TTC1: variants seen among roughly 807,000 people sequenced by gnomAD.
The protein encoded by TTC1 is tetratricopeptide repeat protein 1.
A neutral mutation model predicts 37.6 loss-of-function variants in TTC1; 31 were observed. The ratio of observed to expected loss-of-function variants is 0.82; its 90% CI spans 0.62 to 1.11. The LOEUF (loss-of-function observed/expected upper bound fraction) is 1.11, where lower values mean the gene tolerates loss of function less well. Ranked by LOEUF, TTC1 falls within the 50% of genes most tolerant of loss-of-function variation. The pLI is 0.00. For missense variants in TTC1, 351 were observed against 339.0 expected, an observed-to-expected ratio of 1.04 and a Z score of -0.28; for synonymous variants, 127 against 122.4, an observed-to-expected ratio of 1.04 and a Z score of -0.25.
At chr5:160,010,982 C>T in intron 2 of TTC1, 124 bp downstream of exon 2, 1 of 905,876 alleles carries the variant, frequency 1.1e-6, no homozygotes, top group Non-Finnish European at 1.6e-6. Context: ...CTTCTTATGG[C>T]TTTAGTAGTG....
chr5:160,026,671 A>G (rs541777483), intron 2 of TTC1, among the ~76,000 whole-genome samples: 1 of 152,168 alleles, frequency 6.6e-6, no homozygotes, highest in Admixed American at 6.5e-5. Context: ...TTTTATTTTC[A>G]ACCTGTATAT....
intron 7 of TTC1, 43 bp from the exon 8 acceptor site, chr5:160,064,889 G>A: frequency 6.3e-7 from 1 of 1,589,576 alleles, no homozygotes. Flanking sequence ...TCCTGCTTCT[G>A]TTCATTCCTG....
chr5:160,050,627 C>CTTTTT (rs546426067), intron 6 of TTC1, among the ~76,000 whole-genome samples: 1 of 109,340 alleles, frequency 9.1e-6, no homozygotes, highest in African/African-American at 3.6e-5. Context: ...CCAAACAAAA[C>CTTTTT]TTTTTTTTTT....
chr5:160,049,766 C>T (rs1757353281), intron 6 of TTC1, 104 bp downstream of exon 6: 6 of 1,074,972 alleles, frequency 5.6e-6, no homozygotes, highest in Non-Finnish European at 6.3e-6. Context: ...CATTTCTGTG[C>T]TTTTGAGGAG....
intron 5 of TTC1, among the ~76,000 whole-genome samples, chr5:160,048,422 T>G (rs1346364130): frequency 1.3e-5 from 2 of 152,176 alleles, no homozygotes. Flanking sequence ...CCCAAAGTGC[T>G]GGGATTATGG....
Position 160,035,214 on chromosome 5 carries a change from C to T in TTC1, c.391+14C>T, listed in dbSNP as rs1393170208. 6.3e-7 allele frequency: 1 copy of T among 1,594,798 alleles called. No individual in the cohort carries two copies. The highest frequency in any genetic ancestry group is 8.5e-7 in the Non-Finnish European group (1 of 1,171,398). On this transcript the variant is annotated intron_variant, in intron 3 of 7. Transcript: ENST00000231238. ...TTAAGAAAGGAGGTAAGACGACTTT[C>T]AGCACTGATAATCTGGTCATCTTGA...
chr5:160,029,704 A>G (rs565009615), intron 2 of TTC1, among the ~76,000 whole-genome samples: 124 of 148,444 alleles, frequency 8.4e-4, no homozygotes, highest in Non-Finnish European at 1.1e-3. Context: ...CAGAATACAA[A>G]GTACAAAGTA....
chr5:160,014,934 C>G (rs1194087157), intron 2 of TTC1, among the ~76,000 whole-genome samples: 1 of 152,170 alleles, frequency 6.6e-6, no homozygotes, highest in Non-Finnish European at 1.5e-5. Context: ...GTCTTTGTCC[C>G]TGGTTCCTGT....
chr5:160,036,553 G>A, intron 3 of TTC1, 138 bp from the exon 4 acceptor site: 1 of 621,120 alleles, frequency 1.6e-6, no homozygotes, highest in Non-Finnish European at 2.8e-6. Context: ...TACTGCGCCA[G>A]ACTTAATAGA....
intron 5 of TTC1, among the ~76,000 whole-genome samples, chr5:160,045,508 A>T (rs1561634820): frequency 2.1e-4 from 16 of 75,874 alleles, no homozygotes; most frequent in South Asian, 1.5e-3. Flanking sequence ...ACACACACAC[A>T]CACACATACA....
chr5:160,032,355 T>TC (rs1227350663), intron 2 of TTC1, among the ~76,000 whole-genome samples: 1 of 152,220 alleles, frequency 6.6e-6, no homozygotes, highest in East Asian at 1.9e-4. Flanking sequence ...TTAACCCCTC[T>TC]CTAAAGAATT....
intron 4 of TTC1, 126 bp from the exon 5 acceptor site, chr5:160,043,007 G>C (rs902078901): frequency 2.7e-5 from 26 of 975,902 alleles, no homozygotes; most frequent in Non-Finnish European, 3.7e-5. Context: ...AGGTTTTTAC[G>C]TAATTTCTTT....
intron 3 of TTC1, 42 bp downstream of exon 3, chr5:160,035,242 C>A: frequency 6.6e-7 from 1 of 1,517,380 alleles, no homozygotes; most frequent in South Asian, 1.3e-5. Context: ...CATCTTGACT[C>A]CTCATCCTGT....
chr5:160,027,016 G>A (rs1424234693), intron 2 of TTC1, among the ~76,000 whole-genome samples: 2 of 150,594 alleles, frequency 1.3e-5, no homozygotes, highest in Non-Finnish European at 3.0e-5. Context: ...AGTTTTTCGG[G>A]ATTCTTTTTT....
chr5:160,052,970 CT>C lies in TTC1; in HGVS notation c.745+1793del, dbSNP rs371784823. Among the ~76,000 whole-genome samples, 43 of 152,238 alleles carry C rather than the reference CT, an allele frequency of 2.8e-4. 1 individual carries two copies. The East Asian group carries it at 7.1e-3, about 25-fold the overall frequency. On this transcript the variant is annotated intron_variant, in intron 7 of 7. Coordinates refer to ENST00000231238, the MANE Select transcript of TTC1 (RefSeq NM_003314.3). ...ATGTGTAGTTTGAATGGCTAGATTC[CT>C]TTTTTCCCTTAATGAGTATAAAAAT...
rs543092491 is a variant in TTC1 at position 160,050,340 on chromosome 5, G to A, written c.690+678G>A. On this transcript the variant is annotated intron_variant, in intron 6 of 7. Transcript: ENST00000231238. Reference sequence around the variant, plus strand: ...CACATGCCTGTAATCCCAGCTACTCGAGAGGCTGAGGCAGGAGAATCGCTT... The same window carrying A: ...CACATGCCTGTAATCCCAGCTACTCAAGAGGCTGAGGCAGGAGAATCGCTT... Among the ~76,000 whole-genome samples, 5 of 151,662 alleles carry A rather than the reference G, an allele frequency of 3.3e-5. No homozygotes were observed. In the South Asian group the frequency reaches 6.3e-4, roughly 19 times the overall value.
At chr5:160,055,891 G>A (rs745504993) in intron 7 of TTC1, among the ~76,000 whole-genome samples, 1 of 152,212 alleles carries the variant, frequency 6.6e-6, no homozygotes, top group Non-Finnish European at 1.5e-5. Flanking sequence ...AGAATGTGTG[G>A]TCTTCCAATT....
At position 160,010,002 on chromosome 5, in the gene TTC1, C is replaced by T. The variant is rs6886475; in HGVS notation, c.-29-498C>T. 3.1e-3 allele frequency among the ~76,000 whole-genome samples: 468 copies of T among 152,266 alleles called. 1 individual carries two copies. The highest frequency in any genetic ancestry group is 0.01 in the African/African-American group (425 of 41,536). ...ATTAGGGCTGCTTCCTTTTTCTTGG[C>T]ACTGTTTTAGTTTCTGCCTAATTTT... On this transcript the variant is annotated intron_variant, in intron 1 of 7. Transcript: ENST00000231238.
intron 4 of TTC1, among the ~76,000 whole-genome samples, chr5:160,037,609 A>G (rs1757017796): frequency 5.9e-5 from 9 of 152,106 alleles, no homozygotes. Context: ...CCATCTACTC[A>G]AGAAGCTGAG....
Sources: allele counts gnomAD v4.1 joint callset (sites outside exome capture counted in the v4.1 genomes callset), GRCh38; gene constraint gnomAD v4.1.1; transcripts MANE v1.5; gene names NCBI Gene and HGNC (gene_info 2026-07-23, HGNC 2026-07-21).